Variants in NUP88 observed in about 807,000 individuals in gnomAD.
NUP88 encodes the protein nuclear pore complex protein Nup88.
Under a neutral mutation model 93.9 loss-of-function variants are expected in NUP88, and 57 were observed. That is an observed-to-expected ratio of 0.61 (90% CI 0.49 to 0.76). NUP88 has a LOEUF of 0.76. NUP88 is among the 30% of genes least tolerant of loss of function. The pLI is 0.00. For missense variants in NUP88, 911 were observed against 901.0 expected, an observed-to-expected ratio of 1.01 and a Z score of -0.14; for synonymous variants, 346 against 336.8, an observed-to-expected ratio of 1.03 and a Z score of -0.30.
intron 3 of NUP88, among the ~76,000 whole-genome samples, chr17:5,413,323 A>G (rs1157286386): frequency 6.6e-6 from 1 of 152,226 alleles, no homozygotes; most frequent in Non-Finnish European, 1.5e-5. Context: ...AGTAACGAGA[A>G]AGCTATGGGG....
At chr17:5,419,229 G>T in intron 1 of NUP88, 125 bp downstream of exon 1, 2 of 1,124,198 alleles carry the variant, frequency 1.8e-6, no homozygotes, top group African/African-American at 1.6e-5. Flanking sequence ...ACCGCGTATG[G>T]CAGCGTCGGA....
rs948316173 is a variant in NUP88 at position 5,388,665 on chromosome 17, G to A, written c.1643+137C>T. On this transcript the variant is annotated intron_variant, in intron 11 of 16. Transcript: ENST00000573584. ...CCCTCCTGCTCCCCATTCACTAGCT[G>A]ATCAAATATATCCAGTTTCTTCCAA... The A allele has an allele frequency of 9.5e-6, 7 of 733,548 alleles. No individual in the cohort carries two copies. The Admixed American group carries it at 2.0e-4, about 21-fold the overall frequency. 45.4% of individuals were successfully genotyped at this position (733,548 alleles called of 1,614,324 possible). A position where few individuals can be genotyped will look rare whatever the true frequency, so the allele number is the denominator to read the frequency against.
intron 7 of NUP88, among the ~76,000 whole-genome samples, chr17:5,403,474 C>G (rs1913290322): frequency 6.6e-6 from 1 of 152,194 alleles, no homozygotes; most frequent in South Asian, 2.1e-4. Context: ...GAGACTCCAT[C>G]TCAAAATAAA....
intron 16 of NUP88, 55 bp from the exon 17 acceptor site, chr17:5,386,324 A>T: frequency 7.7e-7 from 1 of 1,296,990 alleles, no homozygotes; most frequent in South Asian, 1.3e-5. Flanking sequence ...ATTTATATGG[A>T]TTCTTAAGAA....
At chr17:5,387,569 C>G in intron 13 of NUP88, 36 bp downstream of exon 13, 1 of 1,599,736 alleles carries the variant, frequency 6.3e-7, no homozygotes, top group Non-Finnish European at 8.6e-7. Flanking sequence ...TCCAGTCTTA[C>G]TGACCTATTG....
At chr17:5,408,207 C>A (rs867451936) in intron 5 of NUP88, among the ~76,000 whole-genome samples, 11 of 152,226 alleles carry the variant, frequency 7.2e-5, no homozygotes, top group African/African-American at 2.4e-4. Flanking sequence ...TGGTCTCACT[C>A]TTCCTTGATA....
At position 5,405,341 on chromosome 17, in the gene NUP88, C is replaced by T. The variant is rs960731558; in HGVS notation, c.858-98G>A. On this transcript the variant is annotated intron_variant, in intron 5 of 16. Coordinates refer to ENST00000573584, the MANE Select transcript of NUP88 (RefSeq NM_002532.6). ...ACTTTGTTTTCCTCCAGCTATCATA[C>T]CTTCATTATAAATGTAGTGTATTCC... The T allele has an allele frequency of 3.1e-6, 3 of 958,286 alleles. No individual in the cohort carries two copies. In the African/African-American group the frequency reaches 4.9e-5, roughly 16 times the overall value. 59.4% of individuals were successfully genotyped at this position (958,286 alleles called of 1,614,324 possible).
chr17:5,399,780 C>T (rs1913029720), intron 7 of NUP88, 130 bp from the exon 8 acceptor site: 2 of 496,660 alleles, frequency 4.0e-6, no homozygotes, highest in South Asian at 6.8e-5. Context: ...AAAAGACTTT[C>T]ATATTGTTAG....
Position 5,387,125 on chromosome 17 carries a change from A to G in NUP88, c.1917-15T>C, listed in dbSNP as rs1307338546. 4 of 1,612,152 alleles carry G rather than the reference A, an allele frequency of 2.5e-6. No homozygotes were observed. The African/African-American group carries it at 5.3e-5, about 22-fold the overall frequency. ...GTTTTTTCATCCTTTAGAAAAGGCA[A>G]GCAAACATCTCAATTTAAGGTCTCT... On this transcript the variant is annotated splice_polypyrimidine_tract_variant and intron_variant, in intron 14 of 16. Transcript: ENST00000573584.
Position 5,384,897 on chromosome 17 carries a change from T to A in NUP88, c.*1309A>T, listed in dbSNP as rs1259977464. On this transcript the variant is annotated 3_prime_UTR_variant, in exon 17 of 17. Transcript: ENST00000573584. ...AATTTAAATTACGTAGGTTTAAGAC[T>A]AGTCCCTTGGATAAGCCCCAAGCGA... The A allele has an allele frequency of 4.5e-6, 1 of 223,016 alleles. No individual in the cohort carries two copies. Among genetic ancestry groups the A allele is most frequent in the African/African-American group, 2.2e-5 (1 of 44,832 alleles). The allele number at this position is 223,016 out of a possible 1,614,324, so 13.8% of individuals were successfully genotyped here. A position where few individuals can be genotyped will look rare whatever the true frequency, so the allele number is the denominator to read the frequency against.
In NUP88 at chr17:5,399,542, G is replaced by A. The variant is rs775881883; in HGVS notation, c.1291+10C>T. 2.1e-5 allele frequency: 31 copies of A among 1,457,810 alleles called. 1 individual carries two copies. Among genetic ancestry groups the A allele is most frequent in the Non-Finnish European group, 2.9e-5 (30 of 1,043,514 alleles). 90.3% of individuals were successfully genotyped at this position (1,457,810 alleles called of 1,614,324 possible). Reference sequence around the variant, plus strand: ...AATCTATTAAAAGTGCAGAGAGTTAGTAAACTCACCTGATCCAAGAAATTT... The same window carrying A: ...AATCTATTAAAAGTGCAGAGAGTTAATAAACTCACCTGATCCAAGAAATTT... On this transcript the variant is annotated intron_variant, in intron 8 of 16. Transcript: ENST00000573584.
intron 8 of NUP88, among the ~76,000 whole-genome samples, chr17:5,396,008 C>T (rs568311329): frequency 1.6e-4 from 24 of 152,074 alleles, no homozygotes; most frequent in African/African-American, 5.3e-4. Flanking sequence ...GTCAGGAGTT[C>T]AAGACCAGCC....
At position 5,388,751 on chromosome 17, in the gene NUP88, G is replaced by T. The variant is rs749282707; in HGVS notation, c.1643+51C>A. ...GACAGAAAGGATGCACAGTAATTCT[G>T]AAGACAGAAGAGAACCCATTCATAA... On this transcript the variant is annotated intron_variant, in intron 11 of 16. Transcript: ENST00000573584. 20 of 1,517,782 alleles carry T rather than the reference G, an allele frequency of 1.3e-5. No individual in the cohort carries two copies. The South Asian group carries it at 2.4e-4, about 18-fold the overall frequency. The allele number at this position is 1,517,782 out of a possible 1,614,324, so 94.0% of individuals were successfully genotyped here.
At chr17:5,389,775 C>CA (rs58723410) in intron 10 of NUP88, among the ~76,000 whole-genome samples, 12,131 of 76,420 alleles carry the variant, frequency 0.16, 1,228 homozygotes, top group East Asian at 0.25. Context: ...GACTCTGTCT[C>CA]AAAAAAAAAA....
chr17:5,419,255 C>G lies in NUP88; in HGVS notation c.297+99G>C. 6.0e-6 allele frequency: 8 copies of G among 1,338,402 alleles called. 1 individual carries two copies. Among genetic ancestry groups the G allele is most frequent in the Middle Eastern group, 4.4e-4 (2 of 4,572 alleles). The allele number at this position is 1,338,402 out of a possible 1,614,324, so 82.9% of individuals were successfully genotyped here. On this transcript the variant is annotated intron_variant, in intron 1 of 16. Coordinates refer to ENST00000573584, the MANE Select transcript of NUP88 (RefSeq NM_002532.6). ...CAGCGTCGGAGTCAATCCGCTGGAA[C>G]GCCTGCCACAAGATGAAAAACAGCC...
intron 9 of NUP88, among the ~76,000 whole-genome samples, chr17:5,394,389 AGAG>A (rs1418412025): frequency 6.6e-6 from 1 of 152,224 alleles, no homozygotes; most frequent in Non-Finnish European, 1.5e-5. Context: ...TGTGTTTCAA[AGAG>A]GAGACATGGG....
At chr17:5,403,367 C>G (rs1003103973) in intron 7 of NUP88, among the ~76,000 whole-genome samples, 2 of 152,132 alleles carry the variant, frequency 1.3e-5, no homozygotes, top group Non-Finnish European at 2.9e-5. Flanking sequence ...GTCCCAGCTA[C>G]TAGGGAGGCT....
At chr17:5,419,213 C>T in intron 1 of NUP88, 141 bp downstream of exon 1, 2 of 969,128 alleles carry the variant, frequency 2.1e-6, no homozygotes, top group African/African-American at 1.7e-5. Flanking sequence ...AGCCTGAGTC[C>T]CCGCGACCGC....
At chr17:5,396,308 C>A (rs1000112313) in intron 8 of NUP88, among the ~76,000 whole-genome samples, 1 of 152,224 alleles carries the variant, frequency 6.6e-6, no homozygotes, top group Non-Finnish European at 1.5e-5. Context: ...TCAGTTTCTA[C>A]CAAACTTCCC....
Sources: gnomAD v4.1 joint callset for allele counts (sites outside exome capture counted in the v4.1 genomes callset) on GRCh38, gnomAD v4.1.1 for gene constraint, MANE v1.5 for transcripts, NCBI Gene and HGNC (gene_info 2026-07-23, HGNC 2026-07-21) for gene names.